Variants in BEST1 observed in about 807,000 individuals in gnomAD.
The protein encoded by BEST1 is bestrophin-1.
BEST1 carries 58 observed loss-of-function variants against 63.3 expected under a neutral mutation model. That is an observed-to-expected ratio of 0.92 (90% CI 0.74 to 1.14). The LOEUF is 1.14. Among genes scored for constraint, BEST1 ranks in the 50% most tolerant of loss-of-function variants. BEST1 has a pLI of 0.00. For synonymous variants in BEST1, 283 were observed against 291.6 expected, an observed-to-expected ratio of 0.97 and a Z score of 0.30; for missense variants, 671 against 740.1, an observed-to-expected ratio of 0.91 and a Z score of 1.08.
At chr11:61,952,367 G>A (rs1176375184) in intron 2 of BEST1, among the ~76,000 whole-genome samples, 1 of 151,264 alleles carries the variant, frequency 6.6e-6, no homozygotes, top group East Asian at 1.9e-4. Context: ...GGCTGGTCTC[G>A]AACTCCTAGG....
At chr11:61,957,359 A>G (rs1481708368) in intron 5 of BEST1, 28 bp from the exon 6 acceptor site, 2 of 1,605,402 alleles carry the variant, frequency 1.2e-6, no homozygotes, top group Admixed American at 3.3e-5. Flanking sequence ...TGGTGTTCAG[A>G]ACCCCATCCC....
At chr11:61,956,057 G>A (rs1941312468) in intron 4 of BEST1, 106 bp downstream of exon 4, 1 of 1,158,350 alleles carries the variant, frequency 8.6e-7, no homozygotes, top group Non-Finnish European at 1.2e-6. Flanking sequence ...GGACTCGGGG[G>A]ATTGGGTGGA....
In BEST1 at chr11:61,956,852, A is replaced by G; in HGVS notation, c.490A>G (p.Thr164Ala). 4 of 1,613,938 alleles carry G rather than the reference A, an allele frequency of 2.5e-6. No individual in the cohort carries two copies. Among genetic ancestry groups the G allele is most frequent in the Non-Finnish European group, 3.4e-6 (4 of 1,179,974 alleles). Residue 164 changes from threonine (T) to alanine (A), a missense_variant, in exon 5 of 11, where the codon ACT becomes GCT. Physicochemically the swap from Thr to Ala is moderately conservative, Grantham distance 58. Transcript: ENST00000378043. The stretch of plus-strand genomic sequence containing the variant: ...TTCACTCCACTCTGCAGGCTTTATG[A>G]CTCCGGCAGAACACAAGCAGTTGGA... ...AQHLVQAGFM[T>A]PAEHKQLEKL...
chr11:61,958,054 G>A lies in BEST1; in HGVS notation c.715-92G>A, dbSNP rs1329068238. The A allele has an allele frequency of 4.4e-6, 7 of 1,599,762 alleles. No individual in the cohort carries two copies. The African/African-American group carries it at 9.4e-5, about 21-fold the overall frequency. ...AGTGTGCAAGTCAGAACAAGGCCTT[G>A]GTCTCCTGTCTCAGACTCCCAGCCC... On this transcript the variant is annotated intron_variant, in intron 6 of 10. Transcript: ENST00000378043.
At chr11:61,964,672 C>T (rs1261333612), downstream of BEST1, 1 of 1,578,478 alleles carries the variant, frequency 6.3e-7, no homozygotes, top group Non-Finnish European at 8.6e-7. Context: ...CATGCATGCA[C>T]TGCCTTGGTG....
At position 61,962,513 on chromosome 11, in the gene BEST1, C is replaced by G; in HGVS notation, c.1359C>G (p.Phe453Leu). The G allele has an allele frequency of 6.2e-7, 1 of 1,614,204 alleles. No individual in the cohort carries two copies. Among genetic ancestry groups the G allele is most frequent in the Non-Finnish European group, 8.5e-7 (1 of 1,180,042 alleles). Reference protein sequence around the residue: ...KAWKLKAVDAFKSAPLYQRPG... With the variant: ...KAWKLKAVDALKSAPLYQRPG... ...GGAAGCTTAAGGCTGTGGACGCCTTCAAGTCTGCCCCACTGTATCAGAGGC... is the reference window on the plus strand; with the variant it reads ...GGAAGCTTAAGGCTGTGGACGCCTTGAAGTCTGCCCCACTGTATCAGAGGC... The change falls in exon 10 of 11, where the codon TTC becomes TTG. Residue 453 changes from phenylalanine (F) to leucine (L), a missense_variant. By Grantham distance (22) the Phe-to-Leu change is conservative. Coordinates refer to ENST00000378043, the MANE Select transcript of BEST1 (RefSeq NM_004183.4).
At chr11:61,959,719 AC>A in intron 8 of BEST1, 141 bp downstream of exon 8, 1 of 1,303,524 alleles carries the variant, frequency 7.7e-7, no homozygotes, top group South Asian at 1.2e-5. Flanking sequence ...TCATTCACTC[AC>A]AGGATTCTCA....
In BEST1 at chr11:61,955,830, A is replaced by C. The variant is rs756778385; in HGVS notation, c.360A>C (p.Gln120His). 6.4e-7 allele frequency: 1 copy of C among 1,550,518 alleles called. No homozygotes were observed. Among genetic ancestry groups the C allele is most frequent in the South Asian group, 1.2e-5 (1 of 84,074 alleles). ...VSGFVEGKDE[Q>H]GRLLRRTLIR... ...GCTTCGTCGAAGGCAAGGACGAGCA[A>C]GGCCGGCTGCTGCGGCGCACGCTCA... The change falls in exon 4 of 11, where the codon CAA (glutamine) becomes CAC (histidine). Residue 120 changes from glutamine to histidine, a missense_variant. Gln to His is a conservative substitution (Grantham distance 24). Coordinates refer to ENST00000378043, the MANE Select transcript of BEST1 (RefSeq NM_004183.4).
chr11:61,959,853 T>C lies in BEST1; in HGVS notation c.949-39T>C, dbSNP rs1010076503. 2.5e-6 allele frequency: 4 copies of C among 1,610,776 alleles called. No individual in the cohort carries two copies. In the African/African-American group the frequency reaches 4.0e-5, roughly 16 times the overall value. On this transcript the variant is annotated intron_variant, in intron 8 of 10. Coordinates refer to ENST00000378043, the MANE Select transcript of BEST1 (RefSeq NM_004183.4). ...GGCACATACAAGGTCCTGCCTGGGA[T>C]GATCTTTCTGTGGGACTTCTTCTGT... is the stretch of plus-strand genomic sequence containing the variant.
intron 2 of BEST1, among the ~76,000 whole-genome samples, chr11:61,953,360 G>A (rs111352087): frequency 0.028 from 4,328 of 152,242 alleles, 206 homozygotes; most frequent in African/African-American, 0.098. Context: ...AGGATCACTT[G>A]AGCCCAGGAG....
chr11:61,956,025 A>G, intron 4 of BEST1, 74 bp downstream of exon 4: 1 of 1,414,590 alleles, frequency 7.1e-7, no homozygotes, highest in Non-Finnish European at 9.6e-7. Flanking sequence ...GGAATGGAAG[A>G]TGGGTGGAGC....
At chr11:61,954,695 C>A in intron 2 of BEST1, 1 of 683,174 alleles carries the variant, frequency 1.5e-6, no homozygotes, top group Non-Finnish European at 1.8e-6. Flanking sequence ...ACTCTTGGTC[C>A]TGCCTTAGCC....
In BEST1 at chr11:61,963,082, C is replaced by T. The variant is rs137853901; in HGVS notation, c.1739+189C>T. 2.7e-4 allele frequency: 400 copies of T among 1,475,040 alleles called. 1 individual carries two copies. In the African/African-American group the frequency reaches 4.2e-3, roughly 16 times the overall value. The allele number at this position is 1,475,040 out of a possible 1,614,324, so 91.4% of individuals were successfully genotyped here. A position where few individuals can be genotyped will look rare whatever the true frequency, so the allele number is the denominator to read the frequency against. On this transcript the variant is annotated intron_variant, in intron 10 of 10. Transcript: ENST00000378043. ...TTCACAGGGATCCTAGGGAAGTGTTCGGGACCTTTTCTCACTTCACCCTGG... is the reference window on the plus strand; with the variant it reads ...TTCACAGGGATCCTAGGGAAGTGTTTGGGACCTTTTCTCACTTCACCCTGG...
At chr11:61,959,746 C>A in intron 8 of BEST1, 146 bp from the exon 9 acceptor site, 2 of 1,341,034 alleles carry the variant, frequency 1.5e-6, no homozygotes, top group Non-Finnish European at 2.1e-6. Context: ...ATCTTTGAGG[C>A]TGCAGGCAGG....
chr11:61,956,477 C>T (rs1941375613), intron 4 of BEST1, among the ~76,000 whole-genome samples: 5 of 151,944 alleles, frequency 3.3e-5, no homozygotes, highest in Admixed American at 3.3e-4. Flanking sequence ...CATAGCGAGA[C>T]CCCCATCTCT....
rs71046754 is a variant in BEST1 at position 61,957,972 on chromosome 11, T to TCAAA, written c.715-149_715-146dup. Among the ~76,000 whole-genome samples the TCAAA allele has an allele frequency of 0.39, 58,695 of 149,534 alleles. 13,196 individuals carry two copies. The highest frequency in any genetic ancestry group is 0.61 in the African/African-American group (24,629 of 40,474). ...CTGGGCGACACAGCAAGACTCTGTC[T>TCAAA]CAAACAAACAAACAAACAAACAAAC... On this transcript the variant is annotated intron_variant, in intron 6 of 10. Coordinates refer to ENST00000378043, the MANE Select transcript of BEST1 (RefSeq NM_004183.4).
intron 2 of BEST1, among the ~76,000 whole-genome samples, chr11:61,953,489 G>A (rs1019008672): frequency 4.4e-4 from 67 of 152,270 alleles, no homozygotes; most frequent in African/African-American, 1.6e-3. Flanking sequence ...GAGGCGGGTG[G>A]ATCATGAGGT....
intron 3 of BEST1, 55 bp from the exon 4 acceptor site, chr11:61,955,663 G>T (rs1446418307): frequency 2.6e-6 from 4 of 1,515,902 alleles, no homozygotes; most frequent in Non-Finnish European, 3.6e-6. Context: ...GCTGGGCCCT[G>T]GGCTCTGGCC....
chr11:61,952,713 G>A (rs1339685567), intron 2 of BEST1, among the ~76,000 whole-genome samples: 2 of 151,728 alleles, frequency 1.3e-5, no homozygotes, highest in Admixed American at 1.3e-4. Context: ...CTGACCTCAA[G>A]TGATCCACCC....
Sources: gnomAD v4.1 joint callset for allele counts (sites outside exome capture counted in the v4.1 genomes callset) on GRCh38, gnomAD v4.1.1 for gene constraint, MANE v1.5 for transcripts, NCBI Gene and HGNC (gene_info 2026-07-23, HGNC 2026-07-21) for gene names.